BANF1: variants seen among roughly 807,000 people sequenced by gnomAD.
The protein encoded by BANF1 is barrier to autointegration nuclear assembly factor 1.
For synonymous variants in BANF1, 49 were observed against 43.7 expected, an observed-to-expected ratio of 1.12 and a Z score of -0.48; for missense variants, 47 against 110.4, an observed-to-expected ratio of 0.43 and a Z score of 2.57.
rs1209661983 is a variant in BANF1 at position 66,003,503 on chromosome 11, G to A, written c.124-123G>A. On this transcript the variant is annotated intron_variant, in intron 2 of 2. Transcript: ENST00000312175. ...GCCTGGGCACCTGGTGGAGAGGAGA[G>A]GGGGGCAAAACCCGCGCTGCTTCCT... 5.0e-6 allele frequency: 8 copies of A among 1,608,828 alleles called. No individual in the cohort carries two copies. The East Asian group carries it at 1.3e-4, about 27-fold the overall frequency.
At chr11:66,003,214 C>A in intron 1 of BANF1, 21 bp from the exon 2 acceptor site, 1 of 1,611,860 alleles carries the variant, frequency 6.2e-7, no homozygotes, top group Non-Finnish European at 8.5e-7. Flanking sequence ...CCCTAATCTG[C>A]CTTTTTTTTG....
At chr11:66,003,107 C>A in intron 1 of BANF1, 128 bp from the exon 2 acceptor site, 2 of 962,712 alleles carry the variant, frequency 2.1e-6, no homozygotes, top group Middle Eastern at 3.1e-4. Context: ...TTTCTCCTTT[C>A]AGGATGAGGG....
intron 1 of BANF1, 187 bp from the exon 2 acceptor site, chr11:66,003,048 G>A (rs989264281): frequency 1.2e-5 from 8 of 644,762 alleles, no homozygotes; most frequent in African/African-American, 5.5e-5. Context: ...AGGTCCTGCA[G>A]GAAGAAACTC....
At chr11:66,003,560 G>A (rs191905461) in intron 2 of BANF1, 66 bp from the exon 3 acceptor site, 63 of 1,607,938 alleles carry the variant, frequency 3.9e-5, no homozygotes, top group East Asian at 3.6e-4. Flanking sequence ...CACAGGAATG[G>A]CTGTCTTGCT....
Position 66,003,767 on chromosome 11 carries a change from T to C in BANF1, c.265T>C (p.Leu89=). 1 of 1,614,002 alleles carries C rather than the reference T, an allele frequency of 6.2e-7. No individual in the cohort carries two copies. The highest frequency in any genetic ancestry group is 8.5e-7 in the Non-Finnish European group (1 of 1,179,984). Reference sequence around the variant, plus strand: ...CCTTCGAGAGTGGTGCGACGCCTTCTTGTGATGCTCTCTGGGAAGCTCTCA... The same window carrying C: ...CCTTCGAGAGTGGTGCGACGCCTTCCTGTGATGCTCTCTGGGAAGCTCTCA... ...GCLREWCDAF[L] is the part of the protein sequence containing the mutation. Residue 89 remains leucine (L), a synonymous_variant, in exon 3 of 3, where the codon TTG becomes CTG. Transcript: ENST00000312175.
In BANF1 at chr11:66,003,923, C is replaced by T. The variant is rs1856076057; in HGVS notation, c.*151C>T. ...GTCTTTTGGGAGTTTTCTCCCCTAA[C>T]CATTTCAACTTTTTTTTGGATTCTC... On this transcript the variant is annotated 3_prime_UTR_variant, in exon 3 of 3. Transcript: ENST00000312175. 1 of 1,135,632 alleles carries T rather than the reference C, an allele frequency of 8.8e-7. No homozygotes were observed. The highest frequency in any genetic ancestry group is 1.4e-5 in the South Asian group (1 of 72,784). The allele number at this position is 1,135,632 out of a possible 1,614,324, so 70.3% of individuals were successfully genotyped here. A position where few individuals can be genotyped will look rare whatever the true frequency, so the allele number is the denominator to read the frequency against.
rs1370804125 is a variant in BANF1, at chr11:66,003,540, C to T, written c.124-86C>T. On this transcript the variant is annotated intron_variant, in intron 2 of 2. Transcript: ENST00000312175. Reference sequence around the variant, plus strand: ...CCGCGCTGCTTCCTGGGCTTGTGTGCTCTGAATGGCACAGGAATGGCTGTC... The same window carrying T: ...CCGCGCTGCTTCCTGGGCTTGTGTGTTCTGAATGGCACAGGAATGGCTGTC... The T allele has an allele frequency of 3.7e-6, 6 of 1,611,616 alleles. No homozygotes were observed. The African/African-American group carries it at 5.3e-5, about 14-fold the overall frequency.
chr11:66,003,116 G>A lies in BANF1; in HGVS notation c.-16-119G>A, dbSNP rs1856045365. ...AACTGTTTTCTCCTTTCAGGATGAG[G>A]GGGATCGAGCAAGCCACTGTAACCC... On this transcript the variant is annotated intron_variant, in intron 1 of 2. Transcript: ENST00000312175. 4.8e-6 allele frequency: 5 copies of A among 1,035,954 alleles called. No homozygotes were observed. In the Admixed American group the frequency reaches 7.9e-5, roughly 16 times the overall value. The allele number at this position is 1,035,954 out of a possible 1,614,324, so 64.2% of individuals were successfully genotyped here.
rs1352352016 is a variant in BANF1 at position 66,003,903 on chromosome 11, T to C, written c.*131T>C. The C allele has an allele frequency of 1.0e-5, 14 of 1,369,840 alleles. No individual in the cohort carries two copies. The highest frequency in any genetic ancestry group is 3.9e-5 in the Admixed American group (2 of 50,758). The allele number at this position is 1,369,840 out of a possible 1,614,324, so 84.9% of individuals were successfully genotyped here. On this transcript the variant is annotated 3_prime_UTR_variant, in exon 3 of 3. Transcript: ENST00000312175. ...CACCTCCGACGTACTCCGGGGTCTT[T>C]TGGGAGTTTTCTCCCCTAACCATTT...
In BANF1 at chr11:66,003,263, C is replaced by G. The variant is rs1400754423; in HGVS notation, c.13C>G (p.Gln5Glu). Residue 5 changes from glutamine (Q) to glutamate (E), a missense_variant, in exon 2 of 3, where the codon CAA (glutamine) becomes GAA (glutamate). Physicochemically the swap from Gln to Glu is conservative, Grantham distance 29 (BLOSUM62 2). Coordinates refer to ENST00000312175, the MANE Select transcript of BANF1 (RefSeq NM_003860.4). ...AAGCCTGATCAAGATGACAACCTCC[C>G]AAAAGCACCGAGACTTCGTGGCAGA... MTTSQKHRDFVAEPM... is the reference protein window; with the variant it reads MTTSEKHRDFVAEPM... 2 of 1,613,316 alleles carry G rather than the reference C, an allele frequency of 1.2e-6. No homozygotes were observed.
At chr11:66,003,587 CACT>C in intron 2 of BANF1, 36 bp from the exon 3 acceptor site, 1 of 1,504,448 alleles carries the variant, frequency 6.6e-7, no homozygotes, top group Non-Finnish European at 8.9e-7. Flanking sequence ...TCTCACTGAG[CACT>C]GAGCAGCACG....
chr11:66,003,043 C>T (rs767505408), intron 1 of BANF1, 192 bp from the exon 2 acceptor site: 22 of 624,186 alleles, frequency 3.5e-5, no homozygotes, highest in Non-Finnish European at 5.4e-5. Context: ...AATCCAGGTC[C>T]TGCAGGAAGA....
rs1856015416 is a variant in BANF1, at chr11:66,002,518, C to G, written c.-69C>G. The G allele has an allele frequency of 6.6e-6, 1 of 152,670 alleles. No individual in the cohort carries two copies. Among genetic ancestry groups the G allele is most frequent in the Non-Finnish European group, 1.5e-5 (1 of 68,160 alleles). The allele number at this position is 152,670 out of a possible 1,614,324, so 9.5% of individuals were successfully genotyped here. A position where few individuals can be genotyped will look rare whatever the true frequency, so the allele number is the denominator to read the frequency against. Reference sequence around the variant, plus strand: ...AGAAAGTTCTAGTGGCTTGAGGTATCCGCAGGAGCGGCCGGGTGGCGGGAG... The same window carrying G: ...AGAAAGTTCTAGTGGCTTGAGGTATGCGCAGGAGCGGCCGGGTGGCGGGAG... On this transcript the variant is annotated 5_prime_UTR_variant, in exon 1 of 3. It adds an upstream start codon to the 5' untranslated region. Coordinates refer to ENST00000312175, the MANE Select transcript of BANF1 (RefSeq NM_003860.4).
intron 1 of BANF1, chr11:66,002,996 G>A: frequency 2.0e-6 from 1 of 501,898 alleles, no homozygotes; most frequent in Non-Finnish European, 3.6e-6. Flanking sequence ...TGCGCCACCT[G>A]TTAGGCAGGA....
chr11:66,003,169 T>A lies in BANF1; in HGVS notation c.-16-66T>A, dbSNP rs553635422. ...GGCTTGGCTTCCTCTTACTATGAGA[T>A]TGCTCGTGGGCCCTTAGAAGTTCCA... is the stretch of plus-strand genomic sequence containing the variant. On this transcript the variant is annotated intron_variant, in intron 1 of 2. Coordinates refer to ENST00000312175, the MANE Select transcript of BANF1 (RefSeq NM_003860.4). 14 of 1,565,166 alleles carry A rather than the reference T, an allele frequency of 8.9e-6. No individual in the cohort carries two copies. In the African/African-American group the frequency reaches 1.8e-4, roughly 20 times the overall value.
chr11:66,003,147 T>A, intron 1 of BANF1, 88 bp from the exon 2 acceptor site: 1 of 1,455,824 alleles, frequency 6.9e-7, no homozygotes, highest in East Asian at 2.3e-5. Flanking sequence ...AACCCCTGGC[T>A]TGGCTTCCTC....
chr11:66,002,850 C>T (rs573213741), intron 1 of BANF1: 20 of 314,252 alleles, frequency 6.4e-5, no homozygotes, highest in Non-Finnish European at 9.3e-5. Context: ...GTAGAGAGAC[C>T]CTTTGGTTAG....
At position 66,003,837 on chromosome 11, in the gene BANF1, C is replaced by A. The variant is rs1856072345; in HGVS notation, c.*65C>A. 1.2e-6 allele frequency: 2 copies of A among 1,605,340 alleles called. No individual in the cohort carries two copies. The highest frequency in any genetic ancestry group is 1.3e-5 in the African/African-American group (1 of 74,686). ...AGTTTGCAGCCGAGTAGGGACTCCT[C>A]CCCTGTCCTCTACGAAGGAAAAGAT... is the stretch of plus-strand genomic sequence containing the variant. On this transcript the variant is annotated 3_prime_UTR_variant, in exon 3 of 3. Coordinates refer to ENST00000312175, the MANE Select transcript of BANF1 (RefSeq NM_003860.4).
At chr11:66,003,494 G>T (rs981916438) in intron 2 of BANF1, 121 bp downstream of exon 2, 1 of 1,608,324 alleles carries the variant, frequency 6.2e-7, no homozygotes, top group African/African-American at 1.3e-5. Context: ...GCACCTGGTG[G>T]AGAGGAGAGG....
Sources: allele counts gnomAD v4.1 joint callset, GRCh38; gene constraint gnomAD v4.1.1; transcripts MANE v1.5; gene names NCBI Gene and HGNC (gene_info 2026-07-23, HGNC 2026-07-21).